RBFOX1: variants seen among roughly 807,000 people sequenced by gnomAD.
RBFOX1 encodes RNA binding fox-1 homolog 1, also known as RNA binding protein fox-1 homolog 1.
RBFOX1 carries 8 observed loss-of-function variants against 57.7 expected under a neutral mutation model. The ratio of observed to expected loss-of-function variants is 0.14; its 90% CI spans 0.08 to 0.25. The LOEUF (loss-of-function observed/expected upper bound fraction) is 0.25, where lower values mean the gene tolerates loss of function less well. RBFOX1 is among the 10% of genes least tolerant of loss of function. The pLI is 1.00. For synonymous variants in RBFOX1, 326 were observed against 222.4 expected (o/e 1.47, Z -4.15); for missense variants, 611 against 548.5 (o/e 1.11, Z -1.14).
At chr16:7,497,140 T>G (rs2068933277) in intron 4 of RBFOX1, among the ~76,000 whole-genome samples, 1 of 152,204 alleles carries the variant, frequency 6.6e-6, no homozygotes. Flanking sequence ...AACTCTTCAA[T>G]GGCCTCCCGT....
chr16:7,184,576 C>G (rs1024354338), intron 4 of RBFOX1, among the ~76,000 whole-genome samples: 4 of 152,142 alleles, frequency 2.6e-5, no homozygotes, highest in Admixed American at 1.3e-4. Flanking sequence ...TGTGACAATC[C>G]TTAGTCTTGT....
intron 4 of RBFOX1, among the ~76,000 whole-genome samples, chr16:7,252,729 G>T (rs1232742649): frequency 6.7e-6 from 1 of 148,940 alleles, no homozygotes; most frequent in Non-Finnish European, 1.5e-5. Flanking sequence ...GTCACCCAAC[G>T]CTAAAGGTAT....
At chr16:7,501,186 G>T (rs930954149) in intron 4 of RBFOX1, among the ~76,000 whole-genome samples, 1 of 152,322 alleles carries the variant, frequency 6.6e-6, no homozygotes, top group South Asian at 2.1e-4. Context: ...ATGGAGAAGA[G>T]AATGATCATT....
chr16:7,211,732 G>A (rs1269399608), intron 4 of RBFOX1, among the ~76,000 whole-genome samples: 1 of 152,118 alleles, frequency 6.6e-6, no homozygotes, highest in African/African-American at 2.4e-5. Context: ...CTCGTGCCAG[G>A]TGGGCATTCG....
chr16:5,859,992 C>T (rs1201015964), intron 3 of RBFOX1, among the ~76,000 whole-genome samples: 1 of 152,178 alleles, frequency 6.6e-6, no homozygotes, highest in Admixed American at 6.5e-5. Flanking sequence ...GATGTAGCCT[C>T]TGCAACAAGG....
chr16:6,657,494 A>T (rs2098667540), intron 3 of RBFOX1, among the ~76,000 whole-genome samples: 2 of 152,008 alleles, frequency 1.3e-5, no homozygotes, highest in Non-Finnish European at 2.9e-5. Flanking sequence ...ACAGGGAGCC[A>T]TTGGCTGTGG....
chr16:5,548,735 G>T (rs761919745), intron 2 of RBFOX1, among the ~76,000 whole-genome samples: 5 of 152,296 alleles, frequency 3.3e-5, no homozygotes, highest in Non-Finnish European at 7.4e-5. Context: ...TGTCTTGAGT[G>T]AGATGAGAGT....
At chr16:6,004,316 C>A (rs974640542) in intron 4 of RBFOX1, among the ~76,000 whole-genome samples, 4 of 152,196 alleles carry the variant, frequency 2.6e-5, no homozygotes, top group African/African-American at 9.7e-5. Context: ...CTTAGCTTCT[C>A]TAAGCCTCAG....
intron 3 of RBFOX1, among the ~76,000 whole-genome samples, chr16:6,765,262 C>G (rs1442747547): frequency 6.6e-6 from 1 of 152,168 alleles, no homozygotes; most frequent in Non-Finnish European, 1.5e-5. Context: ...AGGCCAAGAT[C>G]TGGGTTTGAT....
intron 4 of RBFOX1, among the ~76,000 whole-genome samples, chr16:7,381,687 G>C (rs555302745): frequency 6.6e-6 from 1 of 152,032 alleles, no homozygotes; most frequent in African/African-American, 2.4e-5. Context: ...ATGTCCCACC[G>C]TATGGATTTG....
intron 4 of RBFOX1, among the ~76,000 whole-genome samples, chr16:7,272,776 T>A (rs1603467735): frequency 2.0e-5 from 3 of 152,238 alleles, no homozygotes; most frequent in Admixed American, 1.3e-4. Context: ...ATTCTCTTGC[T>A]TTGTATTCTT....
At chr16:6,640,267 A>G (rs984883183) in intron 2 of RBFOX1, among the ~76,000 whole-genome samples, 1 of 152,166 alleles carries the variant, frequency 6.6e-6, no homozygotes, top group Non-Finnish European at 1.5e-5. Flanking sequence ...CAAGAAGTTG[A>G]TATACTATTA....
intron 1 of RBFOX1, among the ~76,000 whole-genome samples, chr16:5,426,437 C>T (rs1348376890): frequency 6.6e-6 from 1 of 152,214 alleles, no homozygotes; most frequent in Non-Finnish European, 1.5e-5. Context: ...CCGTACCCAG[C>T]GTTTGCAGCC....
chr16:5,695,834 G>C (rs2050827552), intron 3 of RBFOX1, among the ~76,000 whole-genome samples: 1 of 152,136 alleles, frequency 6.6e-6, no homozygotes. Context: ...GAATGTAATA[G>C]ATATGTTAAT....
intron 1 of RBFOX1, among the ~76,000 whole-genome samples, chr16:5,451,685 A>G (rs894696478): frequency 3.3e-5 from 5 of 152,232 alleles, no homozygotes; most frequent in Admixed American, 2.6e-4. Flanking sequence ...GGAGAGAGAC[A>G]TCGTCCCTGG....
intron 4 of RBFOX1, among the ~76,000 whole-genome samples, chr16:7,340,880 C>A (rs1050862582): frequency 6.6e-6 from 1 of 152,074 alleles, no homozygotes; most frequent in African/African-American, 2.4e-5. Flanking sequence ...CTGCAGCAGC[C>A]ATCTGTCATT....
At chr16:6,832,437 G>A (rs1368414143) in intron 3 of RBFOX1, among the ~76,000 whole-genome samples, 8 of 152,140 alleles carry the variant, frequency 5.3e-5, no homozygotes, top group Non-Finnish European at 7.4e-5. Flanking sequence ...TCATATTTGC[G>A]ATGAAAATGG....
chr16:5,253,150 T>A (rs2062497329), intron 1 of RBFOX1, among the ~76,000 whole-genome samples: 1 of 152,142 alleles, frequency 6.6e-6, no homozygotes, highest in Non-Finnish European at 1.5e-5. Context: ...CTTTTTTTTT[T>A]TCTTTCTTTC....
chr16:7,210,678 C>A (rs1008890071), intron 4 of RBFOX1, among the ~76,000 whole-genome samples: 1 of 152,090 alleles, frequency 6.6e-6, no homozygotes, highest in South Asian at 2.1e-4. Flanking sequence ...TGTTAAAGTT[C>A]TTACATGTGT....
Sources: allele counts gnomAD v4.1 joint callset (sites outside exome capture counted in the v4.1 genomes callset), GRCh38; gene constraint gnomAD v4.1.1; transcripts MANE v1.5; gene names NCBI Gene and HGNC (gene_info 2026-07-23, HGNC 2026-07-21).